The following KCNH7 variants were observed in gnomAD, a reference collection of about 807,000 sequenced individuals.
The protein encoded by KCNH7 is voltage-gated inwardly rectifying potassium channel KCNH7.
In KCNH7, 49 loss-of-function variants were observed where a neutral mutation model predicts 120.8. That is an observed-to-expected ratio of 0.41 (90% CI 0.32 to 0.51). KCNH7 has a LOEUF of 0.51. KCNH7 is among the 20% of genes least tolerant of loss of function. KCNH7 has a pLI of 0.38. For missense variants in KCNH7, 1,097 were observed against 1,446.6 expected (o/e 0.76, Z 3.92); for synonymous variants, 547 against 516.1 (o/e 1.06, Z -0.81).
At chr2:162,794,700 G>T (rs751488316) in intron 2 of KCNH7, among the ~76,000 whole-genome samples, 4 of 151,916 alleles carry the variant, frequency 2.6e-5, no homozygotes, top group Non-Finnish European at 5.9e-5. Flanking sequence ...ATTACCTGAA[G>T]TTGCTCTATT....
At chr2:162,737,286 G>A (rs563119055) in intron 2 of KCNH7, among the ~76,000 whole-genome samples, 16 of 152,138 alleles carry the variant, frequency 1.1e-4, no homozygotes, top group African/African-American at 3.9e-4. Flanking sequence ...GCTGCTAATG[G>A]GTTCAGAGAG....
intron 2 of KCNH7, among the ~76,000 whole-genome samples, chr2:162,703,250 G>C (rs17402172): frequency 0.03 from 4,588 of 152,086 alleles, 96 homozygotes; most frequent in Non-Finnish European, 0.043. Flanking sequence ...TCTCTACTTT[G>C]TATTTGAGAC....
At chr2:162,742,658 C>T (rs1481147131) in intron 2 of KCNH7, among the ~76,000 whole-genome samples, 1 of 152,102 alleles carries the variant, frequency 6.6e-6, no homozygotes, top group African/African-American at 2.4e-5. Context: ...CAGATATTTT[C>T]ACTTTAGGCC....
intron 6 of KCNH7, among the ~76,000 whole-genome samples, chr2:162,494,341 G>C (rs182471823): frequency 3.9e-5 from 6 of 151,978 alleles, no homozygotes; most frequent in Admixed American, 2.6e-4. Context: ...CTTTTGGTAG[G>C]CTTCACAAAA....
chr2:162,407,302 A>T (rs1418639584), intron 9 of KCNH7, among the ~76,000 whole-genome samples: 1 of 152,086 alleles, frequency 6.6e-6, no homozygotes, highest in South Asian at 2.1e-4. Flanking sequence ...ATCCCGAACC[A>T]GTTTTGATAA....
intron 2 of KCNH7, among the ~76,000 whole-genome samples, chr2:162,621,746 A>G (rs1468822706): frequency 6.6e-6 from 1 of 152,142 alleles, no homozygotes; most frequent in African/African-American, 2.4e-5. Flanking sequence ...TTTTTATATA[A>G]CACCTTGTTT....
chr2:162,774,051 C>T (rs1683152509), intron 2 of KCNH7, among the ~76,000 whole-genome samples: 1 of 152,038 alleles, frequency 6.6e-6, no homozygotes, highest in African/African-American at 2.4e-5. Flanking sequence ...GCTCCAGTGT[C>T]ATGGATTAGT....
At chr2:162,413,738 C>T (rs1687460440) in intron 9 of KCNH7, among the ~76,000 whole-genome samples, 1 of 151,446 alleles carries the variant, frequency 6.6e-6, no homozygotes, top group Non-Finnish European at 1.5e-5. Flanking sequence ...AGGAAAGGAT[C>T]TGTGAACTAT....
chr2:162,413,665 C>T (rs1469172823), intron 9 of KCNH7, among the ~76,000 whole-genome samples: 1 of 151,598 alleles, frequency 6.6e-6, no homozygotes, highest in Non-Finnish European at 1.5e-5. Context: ...TATACCAAAT[C>T]GTATAAAAAA....
chr2:162,588,603 T>G (rs1487874975), intron 2 of KCNH7, among the ~76,000 whole-genome samples: 1 of 152,122 alleles, frequency 6.6e-6, no homozygotes, highest in East Asian at 1.9e-4. Context: ...TTTAAAATTT[T>G]ATTTTTAATG....
intron 2 of KCNH7, among the ~76,000 whole-genome samples, chr2:162,669,688 T>C (rs1343394166): frequency 6.6e-6 from 1 of 152,190 alleles, no homozygotes; most frequent in Non-Finnish European, 1.5e-5. Flanking sequence ...TACTAGCATC[T>C]AGTGAGTAGA....
intron 2 of KCNH7, among the ~76,000 whole-genome samples, chr2:162,709,815 A>C (rs989721917): frequency 2.6e-5 from 4 of 152,172 alleles, no homozygotes; most frequent in African/African-American, 9.6e-5. Context: ...TAACCTTTAG[A>C]AATACCTTTC....
chr2:162,837,127 T>G (rs556098477), intron 1 of KCNH7, among the ~76,000 whole-genome samples: 116 of 152,322 alleles, frequency 7.6e-4, no homozygotes, highest in African/African-American at 2.6e-3. Context: ...AATGTAAATA[T>G]TTTCAAAGTC....
chr2:162,722,807 T>TTC (rs1470722065), intron 2 of KCNH7, among the ~76,000 whole-genome samples: 1 of 140,980 alleles, frequency 7.1e-6, no homozygotes, highest in Non-Finnish European at 1.5e-5. Context: ...CATTCATTCT[T>TTC]TTTTTCTTTT....
chr2:162,667,309 C>A (rs2105289265), intron 2 of KCNH7, among the ~76,000 whole-genome samples: 1 of 152,254 alleles, frequency 6.6e-6, no homozygotes, highest in Non-Finnish European at 1.5e-5. Flanking sequence ...GCGTGAGCCA[C>A]CATGCCCGGA....
intron 14 of KCNH7, among the ~76,000 whole-genome samples, chr2:162,375,341 T>A (rs1194287852): frequency 6.6e-6 from 1 of 152,196 alleles, no homozygotes; most frequent in Non-Finnish European, 1.5e-5. Context: ...TTTTGTCATA[T>A]AAATCCTTTG....
At chr2:162,797,687 C>T (rs1684193237) in intron 2 of KCNH7, 1 of 151,504 alleles carries the variant, frequency 6.6e-6, no homozygotes, top group African/African-American at 2.4e-5. Flanking sequence ...TGCAGATCTC[C>T]AAACACCAGA....
chr2:162,432,005 G>C (rs1253856489), intron 8 of KCNH7, among the ~76,000 whole-genome samples: 1 of 151,844 alleles, frequency 6.6e-6, no homozygotes, highest in African/African-American at 2.4e-5. Context: ...TTACTGAGTG[G>C]TGAACTGGCT....
intron 9 of KCNH7, among the ~76,000 whole-genome samples, chr2:162,408,960 C>T (rs1052039948): frequency 6.6e-6 from 1 of 151,444 alleles, no homozygotes; most frequent in Non-Finnish European, 1.5e-5. Context: ...CACAGAAAAA[C>T]TTGTATTAAA....
Sources: allele counts gnomAD v4.1 joint callset (sites outside exome capture counted in the v4.1 genomes callset), GRCh38; gene constraint gnomAD v4.1.1; transcripts MANE v1.5; gene names NCBI Gene and HGNC (gene_info 2026-07-23, HGNC 2026-07-21).